ANTXR1: variants seen among roughly 807,000 people sequenced by gnomAD.
ANTXR1 encodes ANTXR cell adhesion molecule 1, also known as anthrax toxin receptor 1.
ANTXR1 carries 19 observed loss-of-function variants against 78.1 expected under a neutral mutation model. The observed-to-expected ratio is 0.24, with a 90% confidence interval of 0.17 to 0.36. The LOEUF (loss-of-function observed/expected upper bound fraction) is 0.36, where lower values mean the gene tolerates loss of function less well. Ranked by LOEUF, ANTXR1 falls within the 10% of genes least tolerant of loss-of-function variation. The pLI, the probability that ANTXR1 is intolerant of heterozygous loss-of-function variation, is 1.00. For synonymous variants in ANTXR1, 273 were observed against 260.5 expected (o/e 1.05, Z -0.46); for missense variants, 518 against 718.6 (o/e 0.72, Z 3.19).
intron 2 of ANTXR1, among the ~76,000 whole-genome samples, chr2:69,044,456 G>A (rs1669699727): frequency 6.6e-6 from 1 of 152,112 alleles, no homozygotes. Context: ...AGAACACAGG[G>A]CAACAATGAA....
chr2:69,066,925 C>G (rs1670416451), intron 3 of ANTXR1, among the ~76,000 whole-genome samples: 1 of 152,150 alleles, frequency 6.6e-6, no homozygotes, highest in Non-Finnish European at 1.5e-5. Flanking sequence ...TTTCATTTCC[C>G]AGGAAGATAA....
At chr2:69,064,571 AAC>A (rs2104178848) in intron 3 of ANTXR1, among the ~76,000 whole-genome samples, 1 of 152,346 alleles carries the variant, frequency 6.6e-6, no homozygotes, top group Admixed American at 6.5e-5. Context: ...ACATTAGTAT[AAC>A]AGTCCACCAC....
chr2:69,103,038 G>T, intron 10 of ANTXR1, 98 bp downstream of exon 10: 1 of 1,203,424 alleles, frequency 8.3e-7, no homozygotes. Flanking sequence ...CATGAAACCA[G>T]CAGAAAAGAG....
intron 9 of ANTXR1, among the ~76,000 whole-genome samples, chr2:69,093,858 A>G (rs565799171): frequency 9.2e-5 from 14 of 152,360 alleles, no homozygotes; most frequent in African/African-American, 3.1e-4. Context: ...CAATCATATT[A>G]TCTTTATTTC....
At position 69,049,714 on chromosome 2, in the gene ANTXR1, C is replaced by A. The variant is rs893429731; in HGVS notation, c.296+4901C>A. On this transcript the variant is annotated intron_variant, in intron 3 of 17. Transcript: ENST00000303714. ...GTGATTGTAGTATCTGTGATTAATT[C>A]TGTCTTCTTTTCTAATATTTATAGC... Among the ~76,000 whole-genome samples, 3 of 152,112 alleles carry A rather than the reference C, an allele frequency of 2.0e-5. No homozygotes were observed. In the South Asian group the frequency reaches 6.2e-4, roughly 32 times the overall value.
intron 8 of ANTXR1, among the ~76,000 whole-genome samples, chr2:69,084,394 G>C (rs1263611577): frequency 6.6e-6 from 1 of 152,078 alleles, no homozygotes; most frequent in Non-Finnish European, 1.5e-5. Flanking sequence ...AGTGAGTGGG[G>C]TGCCCTCCCT....
At position 69,177,061 on chromosome 2, in the gene ANTXR1, A is replaced by T. The variant is rs147842580; in HGVS notation, c.1090-4725A>T. Reference sequence around the variant, plus strand: ...ACATGCAGGAGTGAGGCAGTCCCAGAATCTGGAAAATTCATCCTTTCTACC... The same window carrying T: ...ACATGCAGGAGTGAGGCAGTCCCAGTATCTGGAAAATTCATCCTTTCTACC... On this transcript the variant is annotated intron_variant, in intron 14 of 17. Coordinates refer to ENST00000303714, the MANE Select transcript of ANTXR1 (RefSeq NM_032208.3). 1.6e-4 allele frequency among the ~76,000 whole-genome samples: 25 copies of T among 152,354 alleles called. 1 individual carries two copies. The highest frequency in any genetic ancestry group is 5.8e-4 in the African/African-American group (24 of 41,582).
intron 17 of ANTXR1, among the ~76,000 whole-genome samples, chr2:69,228,156 G>T (rs909259180): frequency 4.9e-4 from 74 of 152,210 alleles, no homozygotes; most frequent in African/African-American, 1.7e-3. Flanking sequence ...AGAAAGCACA[G>T]AGGATTATAA....
At chr2:69,182,090 C>T (rs6752908) in intron 15 of ANTXR1, 284,409 of 599,134 alleles carry the variant, frequency 0.47, 71,556 homozygotes, top group East Asian at 0.78. Flanking sequence ...GTAAGGCAGA[C>T]GGATGGAGAG....
chr2:69,086,197 C>T (rs1444237811), intron 8 of ANTXR1, among the ~76,000 whole-genome samples: 2 of 152,174 alleles, frequency 1.3e-5, no homozygotes, highest in African/African-American at 4.8e-5. Context: ...AAAAGAAATG[C>T]CGTGCCTATG....
intron 1 of ANTXR1, among the ~76,000 whole-genome samples, chr2:69,027,769 C>G (rs548606593): frequency 1.3e-5 from 2 of 150,258 alleles, no homozygotes; most frequent in Non-Finnish European, 3.0e-5. Flanking sequence ...AAACAAAATT[C>G]CTGAGGTGGA....
chr2:69,070,796 A>G, intron 4 of ANTXR1, 68 bp downstream of exon 4: 1 of 1,445,886 alleles, frequency 6.9e-7, no homozygotes, highest in Non-Finnish European at 9.7e-7. Context: ...GGGGTGACTG[A>G]TGAGATAAGG....
chr2:69,056,494 T>C (rs1471768230), intron 3 of ANTXR1, among the ~76,000 whole-genome samples: 3 of 152,072 alleles, frequency 2.0e-5, no homozygotes, highest in Admixed American at 2.0e-4. Flanking sequence ...TGAACACTCA[T>C]TACCCACCAA....
intron 12 of ANTXR1, among the ~76,000 whole-genome samples, chr2:69,147,953 C>T (rs1013770652): frequency 6.6e-6 from 1 of 152,156 alleles, no homozygotes; most frequent in Admixed American, 6.5e-5. Context: ...TTGGACACAG[C>T]CGTAAAAATG....
At chr2:69,083,999 A>G (rs1225213654) in intron 8 of ANTXR1, among the ~76,000 whole-genome samples, 5 of 152,232 alleles carry the variant, frequency 3.3e-5, no homozygotes, top group Non-Finnish European at 5.9e-5. Flanking sequence ...AAAAGTCCAA[A>G]TTGAACAAGA....
At chr2:69,096,132 C>A (rs375352570) in intron 9 of ANTXR1, among the ~76,000 whole-genome samples, 1 of 151,764 alleles carries the variant, frequency 6.6e-6, no homozygotes, top group South Asian at 2.1e-4. Flanking sequence ...GTGGCGGGCT[C>A]CTGTAGTCCC....
chr2:69,051,436 T>C (rs1319943661), intron 3 of ANTXR1, among the ~76,000 whole-genome samples: 1 of 152,178 alleles, frequency 6.6e-6, no homozygotes, highest in East Asian at 1.9e-4. Context: ...CTATATTTAC[T>C]ATTTTTGATT....
chr2:69,201,216 C>G (rs1242833049), intron 17 of ANTXR1, among the ~76,000 whole-genome samples: 1 of 152,166 alleles, frequency 6.6e-6, no homozygotes, highest in Admixed American at 6.5e-5. Context: ...ATCTCACCAG[C>G]CTTGGAGTCC....
intron 17 of ANTXR1, among the ~76,000 whole-genome samples, chr2:69,231,736 G>T (rs1001725398): frequency 2.0e-5 from 3 of 152,116 alleles, no homozygotes; most frequent in African/African-American, 7.2e-5. Flanking sequence ...CGCCTTCATT[G>T]TACCTCAACA....
Sources: gnomAD v4.1 joint callset for allele counts (sites outside exome capture counted in the v4.1 genomes callset) on GRCh38, gnomAD v4.1.1 for gene constraint, MANE v1.5 for transcripts, NCBI Gene and HGNC (gene_info 2026-07-23, HGNC 2026-07-21) for gene names.